TTC39A: variants seen among roughly 807,000 people sequenced by gnomAD.
The protein encoded by TTC39A is tetratricopeptide repeat protein 39A.
A neutral mutation model predicts 82.3 loss-of-function variants in TTC39A; 46 were observed. The observed-to-expected ratio is 0.56, with a 90% confidence interval of 0.44 to 0.71. The LOEUF is 0.71. Ranked by LOEUF, TTC39A falls within the 30% of genes least tolerant of loss-of-function variation. The probability of loss-of-function intolerance (pLI) is 0.00; values close to 1 mark genes in which losing one functional copy is unlikely to be tolerated. For synonymous variants in TTC39A, 254 were observed against 275.2 expected, an observed-to-expected ratio of 0.92 and a Z score of 0.76; for missense variants, 543 against 712.9, an observed-to-expected ratio of 0.76 and a Z score of 2.71.
chr1:51,298,962 C>A (rs1644546681), intron 12 of TTC39A: 1 of 152,214 alleles, frequency 6.6e-6, no homozygotes, highest in Non-Finnish European at 1.5e-5. Flanking sequence ...ACACAAAGGC[C>A]TCCACAGGGC....
At position 51,312,944 on chromosome 1, in the gene TTC39A, C is replaced by A; in HGVS notation, c.147-1G>T. ...TGAGTGGTACATGCTTTCCTTGGTT[C>A]TGCCAAAGAGAAGAGACGTTGAGAG... On this transcript the variant is annotated splice_acceptor_variant, in intron 2 of 17. Coordinates refer to ENST00000680483, the MANE Select transcript of TTC39A (RefSeq NM_001297663.2). LOFTEE classifies it high-confidence loss of function. 1 of 1,613,218 alleles carries A rather than the reference C, an allele frequency of 6.2e-7. No homozygotes were observed. Among genetic ancestry groups the A allele is most frequent in the South Asian group, 1.1e-5 (1 of 91,010 alleles).
rs751224971 is a variant in TTC39A at position 51,310,375 on chromosome 1, G to A, written c.423+879C>T. Among the ~76,000 whole-genome samples the A allele has an allele frequency of 3.9e-5, 6 of 152,142 alleles. No individual in the cohort carries two copies. In the South Asian group the frequency reaches 8.3e-4, roughly 21 times the overall value. ...ATTGCCAGTGTTCTGTCCTCCAGTC[G>A]GGTGTGGTGTTGGTGGGTGTTCATT... On this transcript the variant is annotated intron_variant, in intron 5 of 17. Transcript: ENST00000680483.
At chr1:51,309,505 C>A in intron 5 of TTC39A, 180 bp from the exon 6 acceptor site, 1 of 1,408,870 alleles carries the variant, frequency 7.1e-7, no homozygotes, top group Non-Finnish European at 9.3e-7. Flanking sequence ...CTAAAATGCC[C>A]AGGGTTGGAC....
At chr1:51,334,195 C>CATAAAA (rs1553181739), upstream of TTC39A, among the ~76,000 whole-genome samples, 2 of 38,064 alleles carry the variant, frequency 5.3e-5, no homozygotes. Context: ...CCTGTCTCTA[C>CATAAAA]AAAAAAAAAA....
At chr1:51,323,030 G>A (rs575778393) in intron 1 of TTC39A, among the ~76,000 whole-genome samples, 49 of 152,082 alleles carry the variant, frequency 3.2e-4, no homozygotes, top group Non-Finnish European at 5.7e-4. Context: ...ATGGGGTCTC[G>A]CCATGTTGCC....
chr1:51,314,035 G>A (rs938798401), intron 2 of TTC39A, among the ~76,000 whole-genome samples: 3 of 152,152 alleles, frequency 2.0e-5, no homozygotes, highest in Admixed American at 6.5e-5. Context: ...TGGGCACCTC[G>A]AGGACAGAGC....
chr1:51,299,357 G>C (rs763089786), intron 12 of TTC39A: 1 of 152,230 alleles, frequency 6.6e-6, no homozygotes, highest in South Asian at 2.1e-4. Context: ...TGCATACTCC[G>C]TTCATCCGTC....
rs2148310494 is a variant in TTC39A, at chr1:51,330,180, A to C, written c.41+257T>G. On this transcript the variant is annotated intron_variant, in intron 1 of 17. Transcript: ENST00000680483. This position sits in a 1 kb window ranked among gnomAD's most constrained non-coding sequence, Gnocchi z 4.5. ...GAAGGCTGCTCTGAACGTGTCTGTG[A>C]CTACAGCTCCGTGAGAAAGTTGGGA... is the stretch of plus-strand genomic sequence containing the variant. The C allele has an allele frequency of 1.0e-6, 1 of 985,532 alleles. No homozygotes were observed. Among genetic ancestry groups the C allele is most frequent in the South Asian group, 4.7e-5 (1 of 21,292 alleles). The allele number at this position is 985,532 out of a possible 1,614,324, so 61.0% of individuals were successfully genotyped here. A position where few individuals can be genotyped will look rare whatever the true frequency, so the allele number is the denominator to read the frequency against.
chr1:51,320,317 G>A (rs1022293809), intron 2 of TTC39A, among the ~76,000 whole-genome samples: 34 of 151,892 alleles, frequency 2.2e-4, no homozygotes, highest in Admixed American at 1.8e-3. Flanking sequence ...AAATAGTCTC[G>A]CACATGATTT....
At position 51,312,820 on chromosome 1, in the gene TTC39A, C is replaced by T. The variant is rs1645135311; in HGVS notation, c.270G>A (p.Leu90=). Reference sequence around the variant, plus strand: ...CCCCCAATGCCCCCAACCTCTGACACAGCATCTGTGCCTCCTTCATCATGT... The same window carrying T: ...CCCCCAATGCCCCCAACCTCTGACATAGCATCTGTGCCTCCTTCATCATGT... ...AGNMMKEAQM[L]CQRHRRKSSV... is the part of the protein sequence containing the mutation. Residue 90 remains leucine, a synonymous_variant, in exon 3 of 18, where the codon CTG becomes CTA. Transcript: ENST00000680483. The T allele has an allele frequency of 1.2e-6, 2 of 1,613,642 alleles. No individual in the cohort carries two copies. The highest frequency in any genetic ancestry group is 1.7e-6 in the Non-Finnish European group (2 of 1,179,642).
intron 2 of TTC39A, among the ~76,000 whole-genome samples, chr1:51,314,474 G>T (rs954987689): frequency 6.6e-6 from 1 of 152,156 alleles, no homozygotes; most frequent in African/African-American, 2.4e-5. Context: ...CAGGCTGTTT[G>T]GTTGTGAAAT....
intron 1 of TTC39A, among the ~76,000 whole-genome samples, chr1:51,328,120 G>A (rs530240407): frequency 7.2e-5 from 11 of 152,348 alleles, no homozygotes; most frequent in Admixed American, 4.6e-4. Flanking sequence ...GGCCAAGGAA[G>A]GAGGATCGCT....
At chr1:51,306,955 C>T (rs1226261385) in intron 6 of TTC39A, among the ~76,000 whole-genome samples, 9 of 149,632 alleles carry the variant, frequency 6.0e-5, no homozygotes, top group Non-Finnish European at 8.8e-5. Context: ...GGAAAGGCTT[C>T]CCTGAGGAGG....
chr1:51,310,074 G>T (rs1387709347), intron 5 of TTC39A, among the ~76,000 whole-genome samples: 1 of 151,916 alleles, frequency 6.6e-6, no homozygotes, highest in Non-Finnish European at 1.5e-5. Flanking sequence ...AGACCAGCCT[G>T]GCCAACGTGG....
Position 51,288,766 on chromosome 1 carries a change from A to G in TTC39A, c.1610+73T>C, listed in dbSNP as rs749379717. On this transcript the variant is annotated intron_variant, in intron 17 of 17. Coordinates refer to ENST00000680483, the MANE Select transcript of TTC39A (RefSeq NM_001297663.2). This position sits in a 1 kb window ranked among gnomAD's most constrained non-coding sequence, Gnocchi z 4.8. Reference sequence around the variant, plus strand: ...AACTCCACTCACTGCTCTCTGGGCAACTCTGTCCCCAGCCAGCTCCTGAGC... The same window carrying G: ...AACTCCACTCACTGCTCTCTGGGCAGCTCTGTCCCCAGCCAGCTCCTGAGC... 4 of 1,430,460 alleles carry G rather than the reference A, an allele frequency of 2.8e-6. No homozygotes were observed. The Admixed American group carries it at 6.0e-5, about 21-fold the overall frequency. The allele number at this position is 1,430,460 out of a possible 1,614,324, so 88.6% of individuals were successfully genotyped here. A position where few individuals can be genotyped will look rare whatever the true frequency, so the allele number is the denominator to read the frequency against.
chr1:51,308,093 T>C (rs552217622), intron 6 of TTC39A, among the ~76,000 whole-genome samples: 119 of 152,318 alleles, frequency 7.8e-4, no homozygotes, highest in African/African-American at 2.8e-3. Context: ...TGTAGTAAGA[T>C]TGCTGTCACT....
intron 11 of TTC39A, 200 bp downstream of exon 11, chr1:51,302,157 A>C: frequency 1.3e-6 from 1 of 754,300 alleles, no homozygotes; most frequent in South Asian, 1.5e-5. Flanking sequence ...AGGCACCACA[A>C]ATGCCTCCTC....
At chr1:51,289,488 G>A (rs1401307867) in intron 16 of TTC39A, among the ~76,000 whole-genome samples, 1 of 152,142 alleles carries the variant, frequency 6.6e-6, no homozygotes, top group Admixed American at 6.5e-5. Flanking sequence ...CCATGCACTG[G>A]TGCATGCTGT....
At chr1:51,309,385 G>C (rs1569882833) in intron 5 of TTC39A, 60 bp from the exon 6 acceptor site, 1 of 1,611,346 alleles carries the variant, frequency 6.2e-7, no homozygotes, top group Middle Eastern at 1.7e-4. Context: ...GCGTGAGAGG[G>C]ATCATGCAAG....
Sources: gnomAD v4.1 joint callset for allele counts (sites outside exome capture counted in the v4.1 genomes callset) on GRCh38, gnomAD v4.1.1 for gene constraint, Gnocchi (gnomAD v3.1) non-coding constraint, MANE v1.5 for transcripts, NCBI Gene and HGNC (gene_info 2026-07-23, HGNC 2026-07-21) for gene names.